PIP5K1B: variants seen among roughly 807,000 people sequenced by gnomAD.
The protein encoded by PIP5K1B is phosphatidylinositol 4-phosphate 5-kinase type-1 beta.
In PIP5K1B, 42 loss-of-function variants were observed where a neutral mutation model predicts 67.0. The observed-to-expected ratio is 0.63, with a 90% confidence interval of 0.49 to 0.81. The LOEUF is 0.81. PIP5K1B is among the 30% of genes least tolerant of loss of function. The pLI is 0.00. For missense variants in PIP5K1B, 459 were observed against 646.3 expected (o/e 0.71, Z 3.14); for synonymous variants, 214 against 231.4 (o/e 0.92, Z 0.68).
rs12338533 is a variant in PIP5K1B at position 68,892,323 on chromosome 9, A to G, written c.472-2016A>G. Among the ~76,000 whole-genome samples the G allele has an allele frequency of 7.3e-3, 1,106 of 152,344 alleles. 11 individuals carry two copies. The highest frequency in any genetic ancestry group is 0.025 in the African/African-American group (1,041 of 41,582). ...GAAAGATTGTAAGAATGGAGAAAAC[A>G]TTTTTGAAAAAGAAGAAAAATAGTA... is the stretch of plus-strand genomic sequence containing the variant. On this transcript the variant is annotated intron_variant, in intron 7 of 15. Coordinates refer to ENST00000265382, the MANE Select transcript of PIP5K1B (RefSeq NM_003558.4).
intron 2 of PIP5K1B, chr9:68,780,999 A>C (rs766375948): frequency 4.3e-6 from 7 of 1,613,866 alleles, no homozygotes; most frequent in Non-Finnish European, 5.9e-6. Flanking sequence ...TTCTCCATTT[A>C]TTCCACTAGA....
At chr9:68,910,493 T>C (rs564542414) in intron 8 of PIP5K1B, among the ~76,000 whole-genome samples, 2,493 of 133,370 alleles carry the variant, frequency 0.019, 72 homozygotes, top group African/African-American at 0.083. Flanking sequence ...TCTTTATTGC[T>C]GAATATTTTG....
chr9:68,918,095 ATT>A (rs551054460), intron 9 of PIP5K1B, among the ~76,000 whole-genome samples: 1 of 143,080 alleles, frequency 7.0e-6, no homozygotes, highest in African/African-American at 2.7e-5. Context: ...TTATTTATTT[ATT>A]TTTTTTTTTT....
chr9:68,936,775 C>T (rs1827285493), intron 13 of PIP5K1B, among the ~76,000 whole-genome samples: 2 of 152,198 alleles, frequency 1.3e-5, no homozygotes, highest in African/African-American at 4.8e-5. Flanking sequence ...TCCTAGCAGA[C>T]ATTCATCCCT....
At chr9:68,760,789 A>G (rs2132387512) in intron 2 of PIP5K1B, among the ~76,000 whole-genome samples, 1 of 152,216 alleles carries the variant, frequency 6.6e-6, no homozygotes, top group East Asian at 1.9e-4. Context: ...TATGCTAAAA[A>G]TAAATGAGCA....
chr9:68,932,455 C>T (rs931866076), intron 12 of PIP5K1B, among the ~76,000 whole-genome samples: 7 of 151,938 alleles, frequency 4.6e-5, no homozygotes, highest in Admixed American at 3.3e-4. Flanking sequence ...AAAAAAATTG[C>T]GTGTTAACAT....
At chr9:68,827,556 A>G (rs987844070) in intron 4 of PIP5K1B, among the ~76,000 whole-genome samples, 1 of 152,202 alleles carries the variant, frequency 6.6e-6, no homozygotes, top group Non-Finnish European at 1.5e-5. Context: ...GGCTAGTGAC[A>G]AATGAAAGGC....
At chr9:68,846,439 T>A (rs144255240) in intron 4 of PIP5K1B, among the ~76,000 whole-genome samples, 39 of 152,292 alleles carry the variant, frequency 2.6e-4, no homozygotes, top group African/African-American at 8.9e-4. Flanking sequence ...TCTTATGAAT[T>A]TAGAGAGAAG....
At chr9:68,787,118 C>G (rs895450590) in intron 2 of PIP5K1B, among the ~76,000 whole-genome samples, 4 of 152,082 alleles carry the variant, frequency 2.6e-5, no homozygotes, top group Non-Finnish European at 5.9e-5. Flanking sequence ...TTTAGAAAAT[C>G]CTGTGGAAGG....
chr9:68,936,107 C>T (rs1827253781), intron 13 of PIP5K1B: 1 of 152,076 alleles, frequency 6.6e-6, no homozygotes, highest in Non-Finnish European at 1.5e-5. Context: ...TTTTTAAAAA[C>T]AGTATCTTTT....
chr9:68,852,984 T>C (rs1822569189), intron 4 of PIP5K1B, among the ~76,000 whole-genome samples: 2 of 152,224 alleles, frequency 1.3e-5, no homozygotes, highest in East Asian at 3.8e-4. Context: ...GGAACTCAAT[T>C]GTAGAAAGTT....
At chr9:68,809,677 G>A (rs1422646269) in intron 2 of PIP5K1B, among the ~76,000 whole-genome samples, 2 of 152,156 alleles carry the variant, frequency 1.3e-5, no homozygotes, top group Admixed American at 6.5e-5. Flanking sequence ...TTGTAAGCAA[G>A]CCAACACGGT....
Position 69,004,335 on chromosome 9 carries a change from TTTTG to T in PIP5K1B, c.1621-4110_1621-4107del, listed in dbSNP as rs371094054. Among the ~76,000 whole-genome samples, 460 of 121,006 alleles carry T rather than the reference TTTTG, an allele frequency of 3.8e-3. 2 individuals are homozygous for T. The highest frequency in any genetic ancestry group is 0.012 in the African/African-American group (393 of 31,536). 79.4% of individuals were successfully genotyped at this position (121,006 alleles called of 152,430 possible). A position where few individuals can be genotyped will look rare whatever the true frequency, so the allele number is the denominator to read the frequency against. Reference sequence around the variant, plus strand: ...CCTTTGTGGGCGTGTGTGTGTGTGTTTTTGTGTGTGTGTGTGTGTGTGTGTGTGT... The same window carrying T: ...CCTTTGTGGGCGTGTGTGTGTGTGTTTGTGTGTGTGTGTGTGTGTGTGTGT... On this transcript the variant is annotated intron_variant, in intron 15 of 15. Coordinates refer to ENST00000265382, the MANE Select transcript of PIP5K1B (RefSeq NM_003558.4).
At chr9:68,852,505 C>G (rs1317330348) in intron 4 of PIP5K1B, among the ~76,000 whole-genome samples, 2 of 152,154 alleles carry the variant, frequency 1.3e-5, no homozygotes, top group African/African-American at 4.8e-5. Context: ...GAAGTAAACA[C>G]TTTGACCTCA....
chr9:68,892,262 A>G (rs1824830972), intron 7 of PIP5K1B, among the ~76,000 whole-genome samples: 1 of 152,228 alleles, frequency 6.6e-6, no homozygotes, highest in South Asian at 2.1e-4. Context: ...AGCAAGTCTC[A>G]TTTGAAGAAT....
At chr9:68,803,554 C>T (rs867265797) in intron 2 of PIP5K1B, among the ~76,000 whole-genome samples, 1 of 152,240 alleles carries the variant, frequency 6.6e-6, no homozygotes, top group Non-Finnish European at 1.5e-5. Flanking sequence ...CCTGCTCATG[C>T]TGTCTCCCAA....
chr9:68,819,342 T>C (rs934123856), intron 3 of PIP5K1B, among the ~76,000 whole-genome samples: 2 of 152,140 alleles, frequency 1.3e-5, no homozygotes, highest in African/African-American at 4.8e-5. Flanking sequence ...GGTGCGATCA[T>C]GGCTCACTGC....
At chr9:68,842,099 C>A (rs1321940925) in intron 4 of PIP5K1B, among the ~76,000 whole-genome samples, 2 of 152,208 alleles carry the variant, frequency 1.3e-5, no homozygotes, top group African/African-American at 2.4e-5. Flanking sequence ...CCCAAAGATG[C>A]CTTCATGTTG....
At chr9:68,800,141 G>A (rs986288118) in intron 2 of PIP5K1B, among the ~76,000 whole-genome samples, 6 of 152,202 alleles carry the variant, frequency 3.9e-5, no homozygotes, top group Non-Finnish European at 8.8e-5. Context: ...AGGTTCCTTA[G>A]AGAAACTGAA....
Sources: gnomAD v4.1 joint callset for allele counts (sites outside exome capture counted in the v4.1 genomes callset) on GRCh38, gnomAD v4.1.1 for gene constraint, MANE v1.5 for transcripts, NCBI Gene and HGNC (gene_info 2026-07-23, HGNC 2026-07-21) for gene names.